The following EPHB2 variants were observed in gnomAD, a reference collection of about 807,000 sequenced individuals.
The protein encoded by EPHB2 is EPH receptor B2.
In EPHB2, 18 loss-of-function variants were observed where a neutral mutation model predicts 96.4. The ratio of observed to expected loss-of-function variants is 0.19; its 90% CI spans 0.13 to 0.28. The LOEUF is 0.28. EPHB2 is among the 10% of genes least tolerant of loss of function. EPHB2 has a pLI of 1.00. For missense variants in EPHB2, 989 were observed against 1,355.4 expected, an observed-to-expected ratio of 0.73 and a Z score of 4.25; for synonymous variants, 506 against 534.1, an observed-to-expected ratio of 0.95 and a Z score of 0.72.
At chr1:22,896,590 C>T (rs1377567122) in intron 9 of EPHB2, 112 bp downstream of exon 9, 4 of 1,417,576 alleles carry the variant, frequency 2.8e-6, no homozygotes, top group East Asian at 4.7e-5. Flanking sequence ...CAGACAATGT[C>T]AAGTGGTTGC....
chr1:22,851,061 C>G (rs1248319791), intron 3 of EPHB2, among the ~76,000 whole-genome samples: 1 of 152,186 alleles, frequency 6.6e-6, no homozygotes, highest in African/African-American at 2.4e-5. Flanking sequence ...GTGGTGGGCT[C>G]TCAGCTCACT....
chr1:22,854,803 G>A (rs1435020837), intron 3 of EPHB2, among the ~76,000 whole-genome samples: 1 of 152,150 alleles, frequency 6.6e-6, no homozygotes, highest in South Asian at 2.1e-4. Flanking sequence ...TACGGAGGAG[G>A]ACCAGGCATC....
In EPHB2 at chr1:22,888,053, T is replaced by TTG. The variant is rs1433490334; in HGVS notation, c.1429-4822_1429-4821dup. 3.9e-5 allele frequency among the ~76,000 whole-genome samples: 6 copies of TTG among 152,238 alleles called. No individual in the cohort carries two copies. The East Asian group carries it at 1.2e-3, about 29-fold the overall frequency. Reference sequence around the variant, plus strand: ...TTTGTTTGTTTTTTGGGGGTTTTTTTTGTGTGTGTGACAACAGAGTTTTGC... The same window carrying TTG: ...TTTGTTTGTTTTTTGGGGGTTTTTTTTGTGTGTGTGTGACAACAGAGTTTTGC... On this transcript the variant is annotated intron_variant, in intron 6 of 15. Coordinates refer to ENST00000374630, the MANE Select transcript of EPHB2 (RefSeq NM_017449.5).
chr1:22,874,012 C>G (rs1638757383), intron 5 of EPHB2, among the ~76,000 whole-genome samples: 1 of 152,150 alleles, frequency 6.6e-6, no homozygotes, highest in Non-Finnish European at 1.5e-5. Flanking sequence ...AACCCAGGCT[C>G]AGAGAGAGGT....
At chr1:22,724,542 G>A (rs1488132853) in intron 1 of EPHB2, among the ~76,000 whole-genome samples, 1 of 152,164 alleles carries the variant, frequency 6.6e-6, no homozygotes, top group Non-Finnish European at 1.5e-5. Flanking sequence ...ATTTTCAGAG[G>A]AGGGAAGAAA....
rs145478829 is a variant in EPHB2, at chr1:22,784,730, C to A, written c.465C>A (p.Arg155=). The change falls in exon 3 of 16, where the codon CGC becomes CGA. Residue 155 remains arginine (R), a synonymous_variant. Transcript: ENST00000374630. This position sits in a 1 kb window ranked among gnomAD's most constrained non-coding sequence, Gnocchi z 5.1. ...ESFSQVDLGG[R]VMKINTEVRS... ...TCTCCCAGGTGGACCTGGGTGGCCG[C>A]GTCATGAAAATCAACACCGAGGTGC... is the stretch of plus-strand genomic sequence containing the variant. The A allele has an allele frequency of 6.2e-7, 1 of 1,612,878 alleles. No individual in the cohort carries two copies. The highest frequency in any genetic ancestry group is 8.5e-7 in the Non-Finnish European group (1 of 1,179,120).
At chr1:22,896,540 C>CG in intron 9 of EPHB2, 62 bp downstream of exon 9, 2 of 1,598,390 alleles carry the variant, frequency 1.3e-6, no homozygotes, top group Non-Finnish European at 1.7e-6. Flanking sequence ...CCCCAGTGAC[C>CG]TCTTAAGCCA....
intron 1 of EPHB2, among the ~76,000 whole-genome samples, chr1:22,722,996 G>A (rs1279342060): frequency 6.6e-6 from 1 of 152,228 alleles, no homozygotes; most frequent in Non-Finnish European, 1.5e-5. Flanking sequence ...GCTGGAAGGA[G>A]TCCTGTGTGA....
intron 3 of EPHB2, among the ~76,000 whole-genome samples, chr1:22,792,272 G>T (rs1211601823): frequency 6.6e-6 from 1 of 152,120 alleles, no homozygotes; most frequent in African/African-American, 2.4e-5. Flanking sequence ...GCTGACTGGG[G>T]AAGGGTGTGA....
intron 1 of EPHB2, among the ~76,000 whole-genome samples, chr1:22,760,844 A>G (rs975467013): frequency 3.9e-5 from 6 of 152,278 alleles, no homozygotes; most frequent in Non-Finnish European, 8.8e-5. Context: ...TGTCTCGGGT[A>G]GGTATAAGAT....
intron 1 of EPHB2, among the ~76,000 whole-genome samples, chr1:22,730,321 C>G (rs907677947): frequency 1.3e-5 from 2 of 152,204 alleles, no homozygotes; most frequent in Non-Finnish European, 2.9e-5. Context: ...GCCCTTCCCC[C>G]ACTTCTTGTG....
chr1:22,785,281 C>T (rs1644595416), intron 3 of EPHB2, among the ~76,000 whole-genome samples: 1 of 152,212 alleles, frequency 6.6e-6, no homozygotes, highest in African/African-American at 2.4e-5. Flanking sequence ...ACGATCCGCG[C>T]ACATGCCGCA....
chr1:22,729,178 AG>A (rs1292103064), intron 1 of EPHB2, among the ~76,000 whole-genome samples: 1 of 152,210 alleles, frequency 6.6e-6, no homozygotes, highest in Non-Finnish European at 1.5e-5. Context: ...GACCTTGGGC[AG>A]CAAGTAGACC....
intron 1 of EPHB2, among the ~76,000 whole-genome samples, chr1:22,747,333 C>CT (rs1294632239): frequency 6.6e-6 from 1 of 152,182 alleles, no homozygotes. Context: ...CTGATAAGTG[C>CT]TTTTACGGAG....
chr1:22,862,580 A>G (rs1019229036), intron 3 of EPHB2, among the ~76,000 whole-genome samples: 7 of 152,078 alleles, frequency 4.6e-5, no homozygotes, highest in Admixed American at 1.3e-4. Context: ...ATTCTACCAC[A>G]TCACCTCTCT....
chr1:22,720,775 A>G (rs994398382), intron 1 of EPHB2, among the ~76,000 whole-genome samples: 2 of 150,998 alleles, frequency 1.3e-5, no homozygotes, highest in African/African-American at 4.9e-5. Flanking sequence ...TTGGCTCATG[A>G]TAGATATTAG....
chr1:22,895,536 G>A lies in EPHB2; in HGVS notation c.1656G>A (p.Leu552=). The A allele has an allele frequency of 6.2e-7, 1 of 1,614,260 alleles. No homozygotes were observed. The highest frequency in any genetic ancestry group is 8.5e-7 in the Non-Finnish European group (1 of 1,180,044). ...PLIIGSSAAG[L]VFLIAVVVIA... is the part of the protein sequence containing the mutation. ...TCATCGGCTCCTCGGCCGCTGGCCT[G>A]GTCTTCCTCATTGCTGTGGTTGTCA... The change falls in exon 8 of 16, where the codon CTG becomes CTA. Residue 552 remains leucine, a synonymous_variant. Transcript: ENST00000374630.
At chr1:22,834,403 C>G (rs1645349564) in intron 3 of EPHB2, among the ~76,000 whole-genome samples, 1 of 152,162 alleles carries the variant, frequency 6.6e-6, no homozygotes, top group African/African-American at 2.4e-5. Flanking sequence ...AATTCCATGA[C>G]TTCGGACGAT....
chr1:22,869,496 G>T (rs1191282288), intron 5 of EPHB2, among the ~76,000 whole-genome samples: 3 of 151,926 alleles, frequency 2.0e-5, no homozygotes, highest in Non-Finnish European at 1.5e-5. Flanking sequence ...TGAGCAAAGG[G>T]TATGTCCTGG....
Sources: allele counts gnomAD v4.1 joint callset (sites outside exome capture counted in the v4.1 genomes callset), GRCh38; gene constraint gnomAD v4.1.1; non-coding constraint Gnocchi (gnomAD v3.1); transcripts MANE v1.5; gene names NCBI Gene and HGNC (gene_info 2026-07-23, HGNC 2026-07-21).